Variants in N4BP1 observed in about 807,000 individuals in gnomAD.
The protein encoded by N4BP1 is NEDD4 binding protein 1.
N4BP1 carries 21 observed loss-of-function variants against 70.9 expected under a neutral mutation model. The observed-to-expected ratio is 0.30, with a 90% confidence interval of 0.21 to 0.43. The LOEUF (loss-of-function observed/expected upper bound fraction) is 0.43, where lower values mean the gene tolerates loss of function less well. Among genes scored for constraint, N4BP1 ranks in the 20% least tolerant of loss-of-function variants. The probability of loss-of-function intolerance (pLI) is 1.00; values close to 1 mark genes in which losing one functional copy is unlikely to be tolerated. For synonymous variants in N4BP1, 387 were observed against 394.6 expected, an observed-to-expected ratio of 0.98 and a Z score of 0.23; for missense variants, 936 against 1,069.4, an observed-to-expected ratio of 0.88 and a Z score of 1.74.
chr16:48,543,653 AAG>A (rs1305133776), intron 6 of N4BP1, among the ~76,000 whole-genome samples: 1 of 152,180 alleles, frequency 6.6e-6, no homozygotes, highest in Non-Finnish European at 1.5e-5. Context: ...TAGAAATTAG[AAG>A]AGACTCCTTT....
chr16:48,572,109 G>A (rs1964027718), intron 1 of N4BP1, among the ~76,000 whole-genome samples: 1 of 152,138 alleles, frequency 6.6e-6, no homozygotes, highest in Non-Finnish European at 1.5e-5. Context: ...TGAGGTGAGT[G>A]GGTCACTTGA....
rs1310071052 is a variant in N4BP1 at position 48,561,104 on chromosome 16, A to C, written c.1539T>G (p.Ser513Arg). Reference protein sequence around the residue: ...EVNFVSRGASSHQPRVPLFPE... With the variant: ...EVNFVSRGASRHQPRVPLFPE... ...GAAAAAGTGGAACTCTGGGCTGGTGACTTGAAGCTCCCCTTGAAACAAAAT... is the reference window on the plus strand; with the variant it reads ...GAAAAAGTGGAACTCTGGGCTGGTGCCTTGAAGCTCCCCTTGAAACAAAAT... The change falls in exon 2 of 7, where the codon AGT (serine) becomes AGG (arginine). Residue 513 changes from serine (S) to arginine (R), a missense_variant. Physicochemically the swap from Ser to Arg is moderately radical, Grantham distance 110 (BLOSUM62 -1). This residue lies in a region of N4BP1 where 515 missense variants were observed against 491.7 expected (regional missense o/e 1.05). Coordinates refer to ENST00000262384, the MANE Select transcript of N4BP1 (RefSeq NM_153029.4). 6.2e-7 allele frequency: 1 copy of C among 1,613,876 alleles called. No homozygotes were observed. The highest frequency in any genetic ancestry group is 8.5e-7 in the Non-Finnish European group (1 of 1,179,884).
intron 2 of N4BP1, among the ~76,000 whole-genome samples, chr16:48,556,202 T>TA (rs1320074330): frequency 6.6e-6 from 1 of 152,164 alleles, no homozygotes; most frequent in Admixed American, 6.5e-5. Flanking sequence ...GGAATTAAAA[T>TA]AGAGGTTCAA....
Position 48,561,306 on chromosome 16 carries a change from G to A in N4BP1, c.1337C>T (p.Pro446Leu). 6.2e-7 allele frequency: 1 copy of A among 1,613,718 alleles called. No individual in the cohort carries two copies. The highest frequency in any genetic ancestry group is 8.5e-7 in the Non-Finnish European group (1 of 1,179,762). ...QNMVEKFSQL[P>L]FKVEAKPCTS... ...ACATGGTTTAGCTTCCACTTTGAAT[G>A]GTAACTGAGAAAATTTTTCTACCAT... Residue 446 changes from proline to leucine, a missense_variant, in exon 2 of 7, where the codon CCA becomes CTA. Pro to Leu is a moderately conservative substitution (Grantham distance 98). Around this residue, in one of 4 missense-constraint regions of N4BP1, gnomAD observed 515 missense variants for 491.7 expected, o/e 1.05. Coordinates refer to ENST00000262384, the MANE Select transcript of N4BP1 (RefSeq NM_153029.4).
At chr16:48,573,064 G>A (rs1261211557) in intron 1 of N4BP1, among the ~76,000 whole-genome samples, 2 of 150,228 alleles carry the variant, frequency 1.3e-5, no homozygotes, top group East Asian at 2.0e-4. Context: ...GACCCGAGAT[G>A]TGCCACTGCA....
intron 1 of N4BP1, among the ~76,000 whole-genome samples, chr16:48,583,071 G>A (rs957516182): frequency 1.3e-5 from 2 of 152,150 alleles, no homozygotes; most frequent in Non-Finnish European, 2.9e-5. Context: ...GGGCGACAGA[G>A]TGAGGCCCTG....
At chr16:48,599,532 T>G (rs978711571) in intron 1 of N4BP1, among the ~76,000 whole-genome samples, 2 of 152,258 alleles carry the variant, frequency 1.3e-5, no homozygotes, top group Non-Finnish European at 2.9e-5. Flanking sequence ...TTTCAGCACC[T>G]GTACTCATTT....
At chr16:48,570,444 C>T (rs1964000143) in intron 1 of N4BP1, among the ~76,000 whole-genome samples, 1 of 152,080 alleles carries the variant, frequency 6.6e-6, no homozygotes, top group Non-Finnish European at 1.5e-5. Context: ...CTCTGGGACT[C>T]AAGAAAATTC....
At position 48,560,746 on chromosome 16, in the gene N4BP1, G is replaced by C; in HGVS notation, c.1889+8C>G. 1 of 1,587,500 alleles carries C rather than the reference G, an allele frequency of 6.3e-7. No homozygotes were observed. Among genetic ancestry groups the C allele is most frequent in the Non-Finnish European group, 8.6e-7 (1 of 1,169,212 alleles). ...TAAAATAAAATAATCTGCAGAGAAT[G>C]GACTTACGTAATTGCAACATTGCTC... On this transcript the variant is annotated splice_region_variant and intron_variant, in intron 2 of 6. Transcript: ENST00000262384.
chr16:48,570,044 C>A (rs1254567223), intron 1 of N4BP1, among the ~76,000 whole-genome samples: 1 of 150,844 alleles, frequency 6.6e-6, no homozygotes, highest in Non-Finnish European at 1.5e-5. Context: ...TCAATGGAGA[C>A]CACAACTCCA....
chr16:48,581,035 C>T (rs1198932798), intron 1 of N4BP1, among the ~76,000 whole-genome samples: 1 of 152,014 alleles, frequency 6.6e-6, no homozygotes, highest in Non-Finnish European at 1.5e-5. Context: ...CAAGAGACTA[C>T]TGTAATAGCA....
intron 4 of N4BP1, among the ~76,000 whole-genome samples, chr16:48,549,375 AG>A (rs1963633301): frequency 6.6e-6 from 1 of 152,208 alleles, no homozygotes; most frequent in African/African-American, 2.4e-5. Context: ...AAGGCTTCTG[AG>A]TTCATGTACC....
intron 1 of N4BP1, among the ~76,000 whole-genome samples, chr16:48,601,159 T>C (rs994723529): frequency 2.0e-5 from 3 of 152,232 alleles, no homozygotes; most frequent in Non-Finnish European, 4.4e-5. Context: ...GAAGCTTAAT[T>C]ATGCTGGACT....
At chr16:48,589,306 T>C (rs11647046) in intron 1 of N4BP1, among the ~76,000 whole-genome samples, 54,490 of 151,706 alleles carry the variant, frequency 0.36, 9,969 homozygotes, top group African/African-American at 0.42. Context: ...CAAAGTAGGA[T>C]GACAGGGTCT....
chr16:48,548,167 G>A, intron 4 of N4BP1, 53 bp from the exon 5 acceptor site: 1 of 1,000,246 alleles, frequency 1.0e-6, no homozygotes, highest in South Asian at 1.3e-5. Flanking sequence ...TTGGCTCAGA[G>A]AAGCCATGTT....
Position 48,561,471 on chromosome 16 carries a change from A to C in N4BP1, c.1172T>G (p.Phe391Cys), listed in dbSNP as rs777178441. The C allele has an allele frequency of 1.1e-5, 18 of 1,611,482 alleles. No homozygotes were observed. The highest frequency in any genetic ancestry group is 1.5e-5 in the Non-Finnish European group (18 of 1,179,312). Residue 391 changes from phenylalanine to cysteine, a missense_variant, in exon 2 of 7, where the codon TTC becomes TGC. Transcript: ENST00000262384. ...AGCTGAAAATTCTCTGTCTTCTTGGAATCTTTTATTTTCTTTTTCAATTTC... is the reference window on the plus strand; with the variant it reads ...AGCTGAAAATTCTCTGTCTTCTTGGCATCTTTTATTTTCTTTTTCAATTTC... ...LEEIEKENKRFQEDREFSAGT... is the reference protein window; with the variant it reads ...LEEIEKENKRCQEDREFSAGT...
intron 1 of N4BP1, among the ~76,000 whole-genome samples, chr16:48,587,868 A>G (rs1227046496): frequency 6.6e-6 from 1 of 152,188 alleles, no homozygotes; most frequent in East Asian, 1.9e-4. Flanking sequence ...CAATTCCTGG[A>G]AAGTCAGAAA....
chr16:48,581,901 A>C (rs1023561385), intron 1 of N4BP1, among the ~76,000 whole-genome samples: 2 of 152,162 alleles, frequency 1.3e-5, no homozygotes, highest in African/African-American at 4.8e-5. Context: ...CTGGACAATG[A>C]TTTTTTTAAA....
intron 1 of N4BP1, chr16:48,600,149 C>T: frequency 2.1e-6 from 1 of 479,508 alleles, no homozygotes; most frequent in Non-Finnish European, 3.8e-6. Flanking sequence ...GGTGGTGACC[C>T]ATGCAGGTTT....
Sources: gnomAD v4.1 joint callset for allele counts (sites outside exome capture counted in the v4.1 genomes callset) on GRCh38, gnomAD v4.1.1 for gene constraint, gnomAD v4.1.1 regional missense constraint, MANE v1.5 for transcripts, NCBI Gene and HGNC (gene_info 2026-07-23, HGNC 2026-07-21) for gene names.